CSNK1A1: variants seen among roughly 807,000 people sequenced by gnomAD.
The protein encoded by CSNK1A1 is casein kinase 1 alpha 1.
Under a neutral mutation model 46.1 loss-of-function variants are expected in CSNK1A1, and 7 were observed. That is an observed-to-expected ratio of 0.15 (90% confidence interval 0.09 to 0.29). The LOEUF (loss-of-function observed/expected upper bound fraction) is 0.29. Ranked by LOEUF, CSNK1A1 falls within the 10% of genes least tolerant of loss-of-function variation. The probability of loss-of-function intolerance (pLI) is 1.00; values close to 1 mark genes in which losing one functional copy is unlikely to be tolerated. For missense variants in CSNK1A1, 96 were observed against 417.1 expected, an observed-to-expected ratio of 0.23 and a Z score of 6.71; for synonymous variants, 137 against 141.5, an observed-to-expected ratio of 0.97 and a Z score of 0.23.
At chr5:149,544,758 T>TATATATATATATATATATACACACACAC (rs150989849) in intron 2 of CSNK1A1, among the ~76,000 whole-genome samples, 6 of 129,264 alleles carry the variant, frequency 4.6e-5, no homozygotes, top group African/African-American at 1.9e-4. Context: ...TATATATATA[T>TATATATATATATATATATACACACACAC]ATATATAGTT....
chr5:149,523,019 A>G (rs2113121585), intron 3 of CSNK1A1, among the ~76,000 whole-genome samples: 1 of 150,970 alleles, frequency 6.6e-6, no homozygotes. Flanking sequence ...ATTCACTCAT[A>G]TATGTTAGTT....
chr5:149,542,069 C>T (rs376268708), intron 2 of CSNK1A1, among the ~76,000 whole-genome samples: 4 of 150,434 alleles, frequency 2.7e-5, no homozygotes, highest in East Asian at 4.1e-4. Context: ...AGTATAGAAG[C>T]GAAGTGAAGC....
At position 149,531,182 on chromosome 5, in the gene CSNK1A1, G is replaced by A. The variant is rs552645526; in HGVS notation, c.231-6011C>T. Among the ~76,000 whole-genome samples the A allele has an allele frequency of 7.8e-4, 119 of 152,082 alleles. 2 individuals are homozygous for A. Among genetic ancestry groups the A allele is most frequent in the Admixed American group, 7.7e-3 (118 of 15,280 alleles). On this transcript the variant is annotated intron_variant, in intron 2 of 9. Coordinates refer to ENST00000377843, the MANE Select transcript of CSNK1A1 (RefSeq NM_001892.6). ...AATGTTTTAAATGCATAAAATACAA[G>A]GCATTATAAAGAAAATCAATTATAG...
intron 9 of CSNK1A1, chr5:149,498,079 G>T: frequency 1.0e-6 from 1 of 962,754 alleles, no homozygotes. Context: ...TGATCCACCC[G>T]CCATGGCCTC....
At chr5:149,540,937 G>A (rs1322020654) in intron 2 of CSNK1A1, among the ~76,000 whole-genome samples, 8 of 151,694 alleles carry the variant, frequency 5.3e-5, no homozygotes, top group Non-Finnish European at 1.2e-4. Context: ...AAAATTAGCC[G>A]GGTATGGTGG....
intron 9 of CSNK1A1, chr5:149,501,859 A>G (rs959305379): frequency 4.1e-6 from 4 of 973,250 alleles, no homozygotes; most frequent in Non-Finnish European, 4.9e-6. Context: ...ATATAGTCAA[A>G]GGGAGTGAAA....
chr5:149,530,456 T>G (rs934346368), intron 2 of CSNK1A1, among the ~76,000 whole-genome samples: 6 of 152,202 alleles, frequency 3.9e-5, no homozygotes, highest in Non-Finnish European at 7.3e-5. Context: ...CTAAAAAGTA[T>G]CAACACTGAA....
chr5:149,517,925 A>G lies in CSNK1A1; in HGVS notation c.456+2365T>C. 8.2e-7 allele frequency: 1 copy of G among 1,219,026 alleles called. No individual in the cohort carries two copies. Among genetic ancestry groups the G allele is most frequent in the Non-Finnish European group, 1.2e-6 (1 of 838,026 alleles). 75.5% of individuals were successfully genotyped at this position (1,219,026 alleles called of 1,614,324 possible). A position where few individuals can be genotyped will look rare whatever the true frequency, so the allele number is the denominator to read the frequency against. On this transcript the variant is annotated intron_variant, in intron 4 of 9. Transcript: ENST00000377843. The surrounding 1 kb of genome is among the most constrained non-coding windows in gnomAD (Gnocchi z 4.4). ...CAGTGCATCAAACAGTATTGCTTAC[A>G]TTGCAACAATGGCCGGCGCAGACAG...
At chr5:149,542,987 G>A (rs575038859) in intron 2 of CSNK1A1, among the ~76,000 whole-genome samples, 42 of 151,690 alleles carry the variant, frequency 2.8e-4, no homozygotes, top group Admixed American at 1.6e-3. Flanking sequence ...GAACCACTGC[G>A]CCTGGCCACA....
In CSNK1A1 at chr5:149,521,270, CTTTTTTTTTT is replaced by C. The variant is rs909460651; in HGVS notation, c.358-892_358-883del. On this transcript the variant is annotated intron_variant, in intron 3 of 9. Transcript: ENST00000377843. ...GCTGTAACAATTTGGATTTACTCTTCTTTTTTTTTTTTTTTTTTTGAGACAGGGTCTCACT... is the reference window on the plus strand; with the variant it reads ...GCTGTAACAATTTGGATTTACTCTTCTTTTTTTTTGAGACAGGGTCTCACT... Among the ~76,000 whole-genome samples, 697 of 123,932 alleles carry C rather than the reference CTTTTTTTTTT, an allele frequency of 5.6e-3. 2 individuals carry two copies. The highest frequency in any genetic ancestry group is 8.2e-3 in the Non-Finnish European group (471 of 57,680). The allele number at this position is 123,932 out of a possible 152,430, so 81.3% of individuals were successfully genotyped here. A position where few individuals can be genotyped will look rare whatever the true frequency, so the allele number is the denominator to read the frequency against.
At chr5:149,527,346 T>A (rs1277393622) in intron 2 of CSNK1A1, among the ~76,000 whole-genome samples, 1 of 152,142 alleles carries the variant, frequency 6.6e-6, no homozygotes, top group Non-Finnish European at 1.5e-5. Context: ...CAGGCTGGTC[T>A]CGAATTCCTG....
chr5:149,540,337 T>C (rs1459000194), intron 2 of CSNK1A1, among the ~76,000 whole-genome samples: 1 of 152,200 alleles, frequency 6.6e-6, no homozygotes, highest in Admixed American at 6.5e-5. Context: ...CTAAACCGTT[T>C]TGTGTAGCAC....
chr5:149,501,113 T>A, intron 9 of CSNK1A1: 3 of 985,450 alleles, frequency 3.0e-6, no homozygotes, highest in Non-Finnish European at 3.6e-6. Context: ...CTAACAGTTG[T>A]GCTATCATCC....
At chr5:149,497,258 CA>C (rs1469660313) in intron 9 of CSNK1A1, 46 of 995,538 alleles carry the variant, frequency 4.6e-5, no homozygotes, top group Non-Finnish European at 5.5e-5. Context: ...ACCATAGGCA[CA>C]AATTATTTCT....
intron 9 of CSNK1A1, among the ~76,000 whole-genome samples, chr5:149,500,099 G>T (rs1233177743): frequency 7.1e-6 from 1 of 141,464 alleles, no homozygotes; most frequent in African/African-American, 2.7e-5. Context: ...CTCTCAAGTA[G>T]CTGGGACTAC....
intron 2 of CSNK1A1, among the ~76,000 whole-genome samples, chr5:149,542,624 A>ATATATACATGTATG (rs1762296744): frequency 7.3e-5 from 1 of 13,718 alleles, no homozygotes; most frequent in African/African-American, 5.4e-4. Context: ...ATATATATAT[A>ATATATACATGTATG]TATATATATA....
intron 4 of CSNK1A1, 109 bp from the exon 5 acceptor site, chr5:149,513,318 G>C (rs1198809585): frequency 9.9e-7 from 1 of 1,011,638 alleles, no homozygotes; most frequent in Non-Finnish European, 1.4e-6. Flanking sequence ...TCAAAATAAA[G>C]TATCCTAAGT....
Position 149,549,536 on chromosome 5 carries a change from A to C in CSNK1A1, c.230+539T>G, listed in dbSNP as rs1456722495. The C allele has an allele frequency of 4.3e-6, 3 of 701,564 alleles. No homozygotes were observed. In the Admixed American group the frequency reaches 6.0e-5, roughly 14 times the overall value. 43.5% of individuals were successfully genotyped at this position (701,564 alleles called of 1,614,324 possible). On this transcript the variant is annotated intron_variant, in intron 2 of 9. Transcript: ENST00000377843. Reference sequence around the variant, plus strand: ...CTGCTAAAGGAGGAATCAAGGAAGCATAATTTGTGAACTCAAGCTGAGAAA... The same window carrying C: ...CTGCTAAAGGAGGAATCAAGGAAGCCTAATTTGTGAACTCAAGCTGAGAAA...
chr5:149,520,282 T>C lies in CSNK1A1; in HGVS notation c.456+8A>G. On this transcript the variant is annotated splice_region_variant and intron_variant, in intron 4 of 9. Coordinates refer to ENST00000377843, the MANE Select transcript of CSNK1A1 (RefSeq NM_001892.6). Reference sequence around the variant, plus strand: ...TTTGTTCTTTCATGCAAAGAGCATTTGACTAACCTTATTACAGTGACGCCC... The same window carrying C: ...TTTGTTCTTTCATGCAAAGAGCATTCGACTAACCTTATTACAGTGACGCCC... The C allele has an allele frequency of 6.5e-7, 1 of 1,542,160 alleles. No individual in the cohort carries two copies.
Sources: gnomAD v4.1 joint callset for allele counts (sites outside exome capture counted in the v4.1 genomes callset) on GRCh38, gnomAD v4.1.1 for gene constraint, Gnocchi (gnomAD v3.1) non-coding constraint, MANE v1.5 for transcripts, NCBI Gene and HGNC (gene_info 2026-07-23, HGNC 2026-07-21) for gene names.